The following EPB41L4A variants were observed in gnomAD, a reference collection of about 807,000 sequenced individuals.
EPB41L4A encodes erythrocyte membrane protein band 4.1 like 4A, also known as band 4.1-like protein 4A.
EPB41L4A carries 100 observed loss-of-function variants against 108.6 expected under a neutral mutation model. The ratio of observed to expected loss-of-function variants is 0.92; its 90% CI spans 0.78 to 1.09. EPB41L4A has a LOEUF of 1.09. EPB41L4A is among the 50% of genes least tolerant of loss of function. The pLI is 0.00. For missense variants in EPB41L4A, 1,030 were observed against 842.7 expected (o/e 1.22, Z -2.75); for synonymous variants, 319 against 289.0 (o/e 1.10, Z -1.05).
chr5:112,404,105 G>A (rs900464640), intron 1 of EPB41L4A, among the ~76,000 whole-genome samples: 1 of 152,166 alleles, frequency 6.6e-6, no homozygotes, highest in Non-Finnish European at 1.5e-5. Context: ...TCATTGCTTA[G>A]AACCTATGTC....
At chr5:112,286,746 C>A (rs949878544) in intron 2 of EPB41L4A, among the ~76,000 whole-genome samples, 1 of 151,974 alleles carries the variant, frequency 6.6e-6, no homozygotes, top group Admixed American at 6.6e-5. Context: ...TCCCTTTTGA[C>A]AGAATCATTG....
At chr5:112,151,447 G>A (rs111427397) in intron 12 of EPB41L4A, among the ~76,000 whole-genome samples, 17 of 150,416 alleles carry the variant, frequency 1.1e-4, no homozygotes, top group African/African-American at 3.7e-4. Context: ...CTGTTCTGTC[G>A]CCCCGACTGG....
intron 12 of EPB41L4A, among the ~76,000 whole-genome samples, chr5:112,230,600 T>C (rs1011141000): frequency 7.9e-5 from 12 of 152,322 alleles, no homozygotes; most frequent in African/African-American, 2.9e-4. Context: ...CCTGCTGATT[T>C]CAGTTCCTCG....
chr5:112,205,058 A>G (rs940680451), intron 14 of EPB41L4A, among the ~76,000 whole-genome samples: 2 of 152,262 alleles, frequency 1.3e-5, no homozygotes, highest in African/African-American at 2.4e-5. Flanking sequence ...GTCTTCCAGC[A>G]TAACTATTCA....
In EPB41L4A at chr5:112,215,202, C is replaced by T. The variant is rs143845522; in HGVS notation, c.1088-5220G>A. 7.4e-4 allele frequency among the ~76,000 whole-genome samples: 112 copies of T among 152,288 alleles called. 1 individual carries two copies. In the East Asian group the frequency reaches 0.017, roughly 24 times the overall value. On this transcript the variant is annotated intron_variant, in intron 12 of 22. Coordinates refer to ENST00000261486, the MANE Select transcript of EPB41L4A (RefSeq NM_022140.5). ...TTAATAGATGTGGTGGTACCTGAGA[C>T]GCATGTCAAAAGGACATGCGGCAAT...
At chr5:112,304,788 A>G (rs942621673) in intron 2 of EPB41L4A, among the ~76,000 whole-genome samples, 6 of 152,178 alleles carry the variant, frequency 3.9e-5, no homozygotes, top group Admixed American at 6.5e-5. Flanking sequence ...ATTTAGTCCT[A>G]TATCAATCCT....
At chr5:112,202,856 A>G (rs1186832151) in intron 15 of EPB41L4A, among the ~76,000 whole-genome samples, 1 of 152,080 alleles carries the variant, frequency 6.6e-6, no homozygotes, top group Non-Finnish European at 1.5e-5. Flanking sequence ...AGTGTGCACA[A>G]AAAGAGTCTT....
At chr5:112,275,084 T>C (rs1752531781) in intron 4 of EPB41L4A, among the ~76,000 whole-genome samples, 3 of 152,196 alleles carry the variant, frequency 2.0e-5, no homozygotes, top group Admixed American at 2.0e-4. Context: ...AAATATTTCA[T>C]CACAGCAGAT....
At chr5:112,330,132 G>A (rs1332329269) in intron 1 of EPB41L4A, among the ~76,000 whole-genome samples, 8 of 151,840 alleles carry the variant, frequency 5.3e-5, no homozygotes, top group African/African-American at 1.9e-4. Flanking sequence ...CAGCTGAAGA[G>A]GGGGTGGGGT....
intron 1 of EPB41L4A, among the ~76,000 whole-genome samples, chr5:112,344,321 G>GGAC (rs1268665384): frequency 6.6e-6 from 1 of 152,096 alleles, no homozygotes; most frequent in Non-Finnish European, 1.5e-5. Context: ...AAATTCTGTA[G>GGAC]GACATCCCTG....
intron 15 of EPB41L4A, among the ~76,000 whole-genome samples, chr5:112,202,322 A>AT (rs1470759610): frequency 6.6e-6 from 1 of 152,132 alleles, no homozygotes; most frequent in Non-Finnish European, 1.5e-5. Flanking sequence ...GTCTCCAGGT[A>AT]ACACCCACTT....
At chr5:112,195,856 A>AC (rs1026492397) in intron 15 of EPB41L4A, 148 bp from the exon 16 acceptor site, 1 of 668,950 alleles carries the variant, frequency 1.5e-6, no homozygotes, top group African/African-American at 1.8e-5. Flanking sequence ...TATATGCCTA[A>AC]CCCTACATAC....
At chr5:112,382,644 A>G (rs1023535100) in intron 1 of EPB41L4A, among the ~76,000 whole-genome samples, 2 of 152,210 alleles carry the variant, frequency 1.3e-5, no homozygotes, top group Non-Finnish European at 2.9e-5. Context: ...TGGAGGATTC[A>G]GCAAGGAGAC....
At chr5:112,399,236 G>T (rs1761576175) in intron 1 of EPB41L4A, among the ~76,000 whole-genome samples, 1 of 152,004 alleles carries the variant, frequency 6.6e-6, no homozygotes, top group African/African-American at 2.4e-5. Context: ...TGCTCAGGTT[G>T]CTCCCTCTGC....
At chr5:112,295,979 A>G (rs1753962510) in intron 2 of EPB41L4A, among the ~76,000 whole-genome samples, 1 of 152,222 alleles carries the variant, frequency 6.6e-6, no homozygotes, top group African/African-American at 2.4e-5. Flanking sequence ...TTCCAAAATG[A>G]AATACTTTTC....
intron 12 of EPB41L4A, among the ~76,000 whole-genome samples, chr5:112,153,373 C>CA (rs1561431174): frequency 6.7e-6 from 1 of 150,128 alleles, no homozygotes; most frequent in Non-Finnish European, 1.5e-5. Flanking sequence ...ACTAAAAATA[C>CA]AAAAAATTAG....
At chr5:112,158,917 A>G (rs1183890160), downstream of EPB41L4A, among the ~76,000 whole-genome samples, 3 of 152,356 alleles carry the variant, frequency 2.0e-5, no homozygotes, top group Non-Finnish European at 4.4e-5. Context: ...AGGCAAGACT[A>G]AGGCATGTTA....
At chr5:112,213,431 C>G (rs935663030) in intron 12 of EPB41L4A, among the ~76,000 whole-genome samples, 3 of 151,658 alleles carry the variant, frequency 2.0e-5, no homozygotes, top group East Asian at 3.9e-4. Flanking sequence ...TCACTGCAAC[C>G]TCTGCCTCCT....
intron 4 of EPB41L4A, among the ~76,000 whole-genome samples, chr5:112,274,036 C>T (rs1752448760): frequency 6.6e-6 from 1 of 152,028 alleles, no homozygotes; most frequent in Non-Finnish European, 1.5e-5. Flanking sequence ...CGCTGGTAAT[C>T]CCAGCACTCT....
Sources: allele counts gnomAD v4.1 joint callset (sites outside exome capture counted in the v4.1 genomes callset), GRCh38; gene constraint gnomAD v4.1.1; transcripts MANE v1.5; gene names NCBI Gene and HGNC (gene_info 2026-07-23, HGNC 2026-07-21).